The following ARMC7 variants were observed in gnomAD, a reference collection of about 807,000 sequenced individuals.
ARMC7 encodes armadillo repeat containing 7, also known as armadillo repeat-containing protein 7.
Under a neutral mutation model 14.8 loss-of-function variants are expected in ARMC7, and 9 were observed. That is an observed-to-expected ratio of 0.61 (90% CI 0.37 to 1.06). The LOEUF is 1.06. ARMC7 is among the 50% of genes least tolerant of loss of function. The pLI is 0.01. For synonymous variants in ARMC7, 125 were observed against 123.4 expected (o/e 1.01, Z -0.09); for missense variants, 262 against 267.1 (o/e 0.98, Z 0.13).
chr17:75,119,589 C>T (rs868442420), intron 2 of ARMC7, among the ~76,000 whole-genome samples: 2 of 151,166 alleles, frequency 1.3e-5, no homozygotes, highest in Non-Finnish European at 2.9e-5. Context: ...GCTGGGACTA[C>T]AGGCACCCGC....
chr17:75,114,190 C>G, intron 2 of ARMC7: 1 of 401,244 alleles, frequency 2.5e-6, no homozygotes, highest in Non-Finnish European at 4.4e-6. Context: ...TGAACGGTGA[C>G]GGTGGCCCCT....
chr17:75,124,698 C>G (rs1211210267), intron 2 of ARMC7, among the ~76,000 whole-genome samples: 1 of 152,094 alleles, frequency 6.6e-6, no homozygotes, highest in African/African-American at 2.4e-5. Context: ...CCCGCCATTT[C>G]CCATGGGAGG....
chr17:75,110,053 C>G lies in ARMC7; in HGVS notation c.-236C>G. The stretch of plus-strand genomic sequence containing the variant: ...GTAGACGGTTCCCTGTCTCCCGCGC[C>G]CCAATTTCGATTTTCAAACGCAACT... On this transcript the variant is annotated 5_prime_UTR_variant, in exon 1 of 3. Transcript: ENST00000245543. The G allele has an allele frequency of 2.0e-6, 1 of 509,380 alleles. No individual in the cohort carries two copies. Among genetic ancestry groups the G allele is most frequent in the Non-Finnish European group, 3.5e-6 (1 of 287,184 alleles). The allele number at this position is 509,380 out of a possible 1,614,324, so 31.6% of individuals were successfully genotyped here.
At chr17:75,112,533 T>TACATA (rs2145116132) in intron 2 of ARMC7, among the ~76,000 whole-genome samples, 1 of 151,564 alleles carries the variant, frequency 6.6e-6, no homozygotes, top group African/African-American at 2.4e-5. Context: ...AGGAAGTCAC[T>TACATA]ACATAAATTA....
rs1231470902 is a variant in ARMC7 at position 75,110,046 on chromosome 17, C to A, written c.-243C>A. On this transcript the variant is annotated 5_prime_UTR_variant, in exon 1 of 3. Coordinates refer to ENST00000245543, the MANE Select transcript of ARMC7 (RefSeq NM_024585.4). Reference sequence around the variant, plus strand: ...CCAACCAGTAGACGGTTCCCTGTCTCCCGCGCCCCAATTTCGATTTTCAAA... The same window carrying A: ...CCAACCAGTAGACGGTTCCCTGTCTACCGCGCCCCAATTTCGATTTTCAAA... 4.0e-6 allele frequency: 2 copies of A among 501,896 alleles called. No individual in the cohort carries two copies. Among genetic ancestry groups the A allele is most frequent in the East Asian group, 7.0e-5 (2 of 28,490 alleles). 31.1% of individuals were successfully genotyped at this position (501,896 alleles called of 1,614,324 possible). A position where few individuals can be genotyped will look rare whatever the true frequency, so the allele number is the denominator to read the frequency against.
chr17:75,117,245 T>C (rs1259892018), intron 2 of ARMC7, among the ~76,000 whole-genome samples: 5 of 152,028 alleles, frequency 3.3e-5, no homozygotes, highest in African/African-American at 1.2e-4. Context: ...CCCAGCTAAT[T>C]TTTGTATGTT....
At chr17:75,111,296 A>C (rs1189383785) in intron 2 of ARMC7, among the ~76,000 whole-genome samples, 1 of 151,630 alleles carries the variant, frequency 6.6e-6, no homozygotes, top group African/African-American at 2.4e-5. Context: ...AAATACAAAA[A>C]TTAGCCGGGC....
chr17:75,114,032 G>A, intron 2 of ARMC7: 1 of 396,502 alleles, frequency 2.5e-6, no homozygotes. Flanking sequence ...AGCCAAGCCA[G>A]GGCAGGAGCC....
At chr17:75,128,559 T>A in intron 2 of ARMC7, 118 bp from the exon 3 acceptor site, 1 of 1,394,918 alleles carries the variant, frequency 7.2e-7, no homozygotes, top group Non-Finnish European at 9.6e-7. Flanking sequence ...GGGCTTTGGA[T>A]GCCTTGTGCT....
In ARMC7 at chr17:75,129,127, C is replaced by T. The variant is rs1371730348; in HGVS notation, c.*89C>T. ...AGGGAACGGGGAGCACATACTGCCC[C>T]ATTGGTGCCTTTTCAGCCATCTGAA... On this transcript the variant is annotated 3_prime_UTR_variant, in exon 3 of 3. Transcript: ENST00000245543. 3 of 1,474,086 alleles carry T rather than the reference C, an allele frequency of 2.0e-6. No homozygotes were observed. Among genetic ancestry groups the T allele is most frequent in the Admixed American group, 2.3e-5 (1 of 44,362 alleles). The allele number at this position is 1,474,086 out of a possible 1,614,324, so 91.3% of individuals were successfully genotyped here.
intron 2 of ARMC7, among the ~76,000 whole-genome samples, chr17:75,113,532 C>A (rs1402151787): frequency 6.9e-6 from 1 of 145,290 alleles, no homozygotes; most frequent in Non-Finnish European, 1.5e-5. Context: ...ATTTTTTGTA[C>A]TTTTAGTAGA....
intron 2 of ARMC7, among the ~76,000 whole-genome samples, chr17:75,125,873 ACCAGCCTGACCCAGGTGCT>A (rs2074047794): frequency 1.3e-5 from 2 of 152,172 alleles, no homozygotes; most frequent in African/African-American, 4.8e-5. Context: ...TCAAAGCAGG[ACCAGCCTGACCCAGGTGCT>A]GCTTGGGAGC....
intron 2 of ARMC7, among the ~76,000 whole-genome samples, chr17:75,119,110 G>T (rs2073993397): frequency 6.6e-6 from 1 of 151,908 alleles, no homozygotes; most frequent in Non-Finnish European, 1.5e-5. Flanking sequence ...AGCCCCAGTG[G>T]CAGTTCCTCT....
chr17:75,110,696 C>T (rs2073911977), intron 2 of ARMC7, 90 bp downstream of exon 2: 2 of 1,519,020 alleles, frequency 1.3e-6, no homozygotes, highest in Admixed American at 1.8e-5. Context: ...GGCGTGGTGG[C>T]TCACACCTGT....
chr17:75,111,716 T>C (rs1335395132), intron 2 of ARMC7, among the ~76,000 whole-genome samples: 1 of 146,630 alleles, frequency 6.8e-6, no homozygotes, highest in East Asian at 1.9e-4. Flanking sequence ...CCAGCCTGGG[T>C]GACAAAACGA....
intron 2 of ARMC7, among the ~76,000 whole-genome samples, chr17:75,113,635 G>C (rs1411630585): frequency 6.6e-6 from 1 of 152,178 alleles, no homozygotes; most frequent in African/African-American, 2.4e-5. Context: ...GATTACAGGC[G>C]TGAGCCACCG....
intron 2 of ARMC7, among the ~76,000 whole-genome samples, chr17:75,111,490 T>C (rs1455276921): frequency 6.7e-6 from 1 of 149,900 alleles, no homozygotes; most frequent in African/African-American, 2.5e-5. Context: ...ACACCTTTAA[T>C]CTCAGCACTT....
intron 2 of ARMC7, among the ~76,000 whole-genome samples, chr17:75,112,579 T>TC (rs1464285136): frequency 7.0e-6 from 1 of 143,064 alleles, no homozygotes; most frequent in Non-Finnish European, 1.5e-5. Flanking sequence ...TTTTCTTTTT[T>TC]TTTTTTTTTT....
intron 2 of ARMC7, 98 bp from the exon 3 acceptor site, chr17:75,128,579 T>C: frequency 6.7e-7 from 1 of 1,489,204 alleles, no homozygotes; most frequent in Non-Finnish European, 9.0e-7. Flanking sequence ...TGGGGCCAGC[T>C]TCTCAACAGC....
Sources: gnomAD v4.1 joint callset for allele counts (sites outside exome capture counted in the v4.1 genomes callset) on GRCh38, gnomAD v4.1.1 for gene constraint, MANE v1.5 for transcripts, NCBI Gene and HGNC (gene_info 2026-07-23, HGNC 2026-07-21) for gene names.